The following IGFBP5 variants were observed in gnomAD, a reference collection of about 807,000 sequenced individuals.
IGFBP5 encodes insulin like growth factor binding protein 5.
In IGFBP5, 12 loss-of-function variants were observed where a neutral mutation model predicts 28.0. The ratio of observed to expected loss-of-function variants is 0.43; its 90% confidence interval spans 0.27 to 0.69. The LOEUF (loss-of-function observed/expected upper bound fraction) is 0.69, where lower values mean the gene tolerates loss of function less well. Among genes scored for constraint, IGFBP5 ranks in the 30% least tolerant of loss-of-function variants. IGFBP5 has a pLI of 0.20. For missense variants in IGFBP5, 344 were observed against 381.6 expected (o/e 0.90, Z 0.82); for synonymous variants, 152 against 150.2 (o/e 1.01, Z -0.09).
In IGFBP5 at chr2:216,679,488, A is replaced by T. The variant is rs1032920681; in HGVS notation, c.338-409T>A. ...GGCCAAGTAGATGGGACATGGCTGG[A>T]GGTGGGGCTGAGAAGTAGGAACCCG... On this transcript the variant is annotated intron_variant, in intron 1 of 3. Transcript: ENST00000233813. This position sits in a 1 kb window ranked among gnomAD's most constrained non-coding sequence, Gnocchi z 4.6. Among the ~76,000 whole-genome samples, 1 of 152,036 alleles carries T rather than the reference A, an allele frequency of 6.6e-6. No individual in the cohort carries two copies. Among genetic ancestry groups the T allele is most frequent in the African/African-American group, 2.4e-5 (1 of 41,388 alleles).
At position 216,694,210 on chromosome 2, in the gene IGFBP5, G is replaced by A. The variant is rs1039010613; in HGVS notation, c.337+229C>T. 6.6e-6 allele frequency among the ~76,000 whole-genome samples: 1 copy of A among 152,000 alleles called. No individual in the cohort carries two copies. The highest frequency in any genetic ancestry group is 1.5e-5 in the Non-Finnish European group (1 of 67,998). On this transcript the variant is annotated intron_variant, in intron 1 of 3. Transcript: ENST00000233813. The surrounding 1 kb of genome is among the most constrained non-coding windows in gnomAD (Gnocchi z 5.2). ...AGGGGGAGGGGGCGGGCAACGTGTG[G>A]GTAGGAGGAAGGAGAAAGAGCGAAA... is the stretch of plus-strand genomic sequence containing the variant.
In IGFBP5 at chr2:216,692,088, G is replaced by T. The variant is rs1689105130; in HGVS notation, c.337+2351C>A. Among the ~76,000 whole-genome samples the T allele has an allele frequency of 6.6e-6, 1 of 152,090 alleles. No individual in the cohort carries two copies. The highest frequency in any genetic ancestry group is 2.1e-4 in the South Asian group (1 of 4,822). ...CCAACTTTTTGGGGACCCGCCCAGT[G>T]GTTGTCCGGCTAAAACGCCCTTTCC... On this transcript the variant is annotated intron_variant, in intron 1 of 3. Coordinates refer to ENST00000233813, the MANE Select transcript of IGFBP5 (RefSeq NM_000599.4). This position sits in a 1 kb window ranked among gnomAD's most constrained non-coding sequence, Gnocchi z 4.2.
intron 2 of IGFBP5, 129 bp from the exon 3 acceptor site, chr2:216,678,360 T>G: frequency 1.0e-6 from 1 of 954,916 alleles, no homozygotes; most frequent in Non-Finnish European, 1.5e-6. Flanking sequence ...GTTCTAATCA[T>G]CTGCTACCAA....
rs1016016727 is a variant in IGFBP5, at chr2:216,692,227, G to A, written c.337+2212C>T. On this transcript the variant is annotated intron_variant, in intron 1 of 3. Transcript: ENST00000233813. The surrounding 1 kb of genome is among the most constrained non-coding windows in gnomAD (Gnocchi z 4.2). ...CCGGGCACCTGCCTTCGGCGGGGTGGAGTCGGAGAGGAGTGCTGGGGAGGG... is the reference window on the plus strand; with the variant it reads ...CCGGGCACCTGCCTTCGGCGGGGTGAAGTCGGAGAGGAGTGCTGGGGAGGG... 4.6e-5 allele frequency among the ~76,000 whole-genome samples: 7 copies of A among 152,204 alleles called. No individual in the cohort carries two copies. The highest frequency in any genetic ancestry group is 1.0e-4 in the Non-Finnish European group (7 of 68,032).
At chr2:216,691,722 T>C (rs980783399) in intron 1 of IGFBP5, among the ~76,000 whole-genome samples, 1 of 151,976 alleles carries the variant, frequency 6.6e-6, no homozygotes, top group African/African-American at 2.4e-5. Flanking sequence ...CTGCTCCCCA[T>C]TTCTGATTCC....
Position 216,676,671 on chromosome 2 carries a change from G to A in IGFBP5, c.*80C>T, listed in dbSNP as rs538596132. 2.7e-4 allele frequency: 238 copies of A among 872,204 alleles called. No individual in the cohort carries two copies. Among genetic ancestry groups the A allele is most frequent in the Non-Finnish European group, 4.0e-4 (222 of 551,336 alleles). The allele number at this position is 872,204 out of a possible 1,614,324, so 54.0% of individuals were successfully genotyped here. A position where few individuals can be genotyped will look rare whatever the true frequency, so the allele number is the denominator to read the frequency against. ...CCTTAAATGAGATGAAATGAGTGGC[G>A]TCCTGGGGTGGAGGGAGGCGCTGGC... On this transcript the variant is annotated 3_prime_UTR_variant, in exon 4 of 4. Coordinates refer to ENST00000233813, the MANE Select transcript of IGFBP5 (RefSeq NM_000599.4).
At chr2:216,689,018 C>T (rs530875144) in intron 1 of IGFBP5, among the ~76,000 whole-genome samples, 21 of 152,312 alleles carry the variant, frequency 1.4e-4, no homozygotes, top group African/African-American at 4.8e-4. Flanking sequence ...GGCCCTCATG[C>T]TCTCTTCCTT....
rs911310190 is a variant in IGFBP5 at position 216,676,065 on chromosome 2, T to C, written c.*686A>G. The C allele has an allele frequency of 2.6e-5, 4 of 152,674 alleles. No homozygotes were observed. Among genetic ancestry groups the C allele is most frequent in the African/African-American group, 9.6e-5 (4 of 41,456 alleles). The allele number at this position is 152,674 out of a possible 1,614,324, so 9.5% of individuals were successfully genotyped here. A position where few individuals can be genotyped will look rare whatever the true frequency, so the allele number is the denominator to read the frequency against. ...TTAATATCACTCAATTATGAATTTGTTTTGCTTTCAGAGGAATGGAATGCA... is the reference window on the plus strand; with the variant it reads ...TTAATATCACTCAATTATGAATTTGCTTTGCTTTCAGAGGAATGGAATGCA... On this transcript the variant is annotated 3_prime_UTR_variant, in exon 4 of 4. Transcript: ENST00000233813.
chr2:216,681,374 T>C (rs766728655), intron 1 of IGFBP5, among the ~76,000 whole-genome samples: 8 of 151,986 alleles, frequency 5.3e-5, no homozygotes, highest in Non-Finnish European at 1.2e-4. Flanking sequence ...TCAATCAAGA[T>C]TGTAACTGGA....
At chr2:216,678,277 C>T in intron 2 of IGFBP5, 46 bp from the exon 3 acceptor site, 1 of 1,470,194 alleles carries the variant, frequency 6.8e-7, no homozygotes, top group Non-Finnish European at 9.1e-7. Flanking sequence ...CAAGGGAAAA[C>T]CACCCAGCTG....
intron 1 of IGFBP5, among the ~76,000 whole-genome samples, chr2:216,681,595 G>A (rs942857932): frequency 6.6e-6 from 1 of 152,084 alleles, no homozygotes; most frequent in Non-Finnish European, 1.5e-5. Context: ...ATCCCCCTGT[G>A]TCCAAGCAGA....
intron 1 of IGFBP5, among the ~76,000 whole-genome samples, chr2:216,686,740 C>T (rs1302648178): frequency 2.1e-5 from 3 of 143,230 alleles, no homozygotes; most frequent in Non-Finnish European, 4.5e-5. Flanking sequence ...GATCTTGGCT[C>T]ACTGCAACCC....
intron 1 of IGFBP5, among the ~76,000 whole-genome samples, chr2:216,683,448 T>A (rs761169786): frequency 2.0e-5 from 3 of 152,120 alleles, no homozygotes; most frequent in Non-Finnish European, 1.5e-5. Context: ...ATAAATCCCT[T>A]CCTTCTGTTT....
At chr2:216,690,306 C>T (rs915693347) in intron 1 of IGFBP5, among the ~76,000 whole-genome samples, 1 of 152,178 alleles carries the variant, frequency 6.6e-6, no homozygotes, top group African/African-American at 2.4e-5. Flanking sequence ...CCACCCTCTT[C>T]CCTTCTGCTC....
intron 3 of IGFBP5, 93 bp downstream of exon 3, chr2:216,678,019 G>A: frequency 8.0e-7 from 1 of 1,250,878 alleles, no homozygotes; most frequent in African/African-American, 1.5e-5. Flanking sequence ...GTGGTTAACG[G>A]TGGAAACCTT....
Position 216,674,233 on chromosome 2 carries a change from AAC to A in IGFBP5, c.*2516_*2517del, listed in dbSNP as rs1688868800. On this transcript the variant is annotated 3_prime_UTR_variant, in exon 4 of 4. Coordinates refer to ENST00000233813, the MANE Select transcript of IGFBP5 (RefSeq NM_000599.4). The surrounding 1 kb of genome is among the most constrained non-coding windows in gnomAD (Gnocchi z 4.4). ...ATGCAAAGGGAGAATGGGTGGAAAG[AAC>A]AGTGACGTGGAAGAGGTTTGGGATA... 1 of 153,228 alleles carries A rather than the reference AAC, an allele frequency of 6.5e-6. No homozygotes were observed. Among genetic ancestry groups the A allele is most frequent in the Non-Finnish European group, 1.5e-5 (1 of 68,126 alleles). 9.5% of individuals were successfully genotyped at this position (153,228 alleles called of 1,614,324 possible). A position where few individuals can be genotyped will look rare whatever the true frequency, so the allele number is the denominator to read the frequency against.
rs745587260 is a variant in IGFBP5, at chr2:216,676,421, G to A, written c.*330C>T. On this transcript the variant is annotated 3_prime_UTR_variant, in exon 4 of 4. Transcript: ENST00000233813. ...TGTCTTCCTTTTCCTAACTCTATTC[G>A]TCTTTCTCTCTCTTCTACACAAACA... The A allele has an allele frequency of 2.0e-4, 36 of 177,286 alleles. No homozygotes were observed. Among genetic ancestry groups the A allele is most frequent in the Non-Finnish European group, 3.5e-4 (30 of 84,654 alleles). 11.0% of individuals were successfully genotyped at this position (177,286 alleles called of 1,614,324 possible).
Position 216,693,443 on chromosome 2 carries a change from C to T in IGFBP5, c.337+996G>A, listed in dbSNP as rs917111909. On this transcript the variant is annotated intron_variant, in intron 1 of 3. Coordinates refer to ENST00000233813, the MANE Select transcript of IGFBP5 (RefSeq NM_000599.4). ...ATCTGGTTTAAGAGATTGGGGAGGG[C>T]GGGGTGGGGGGATTGCGGAGGGAGG... Among the ~76,000 whole-genome samples the T allele has an allele frequency of 1.1e-3, 2 of 1,848 alleles. 1 individual carries two copies. The highest frequency in any genetic ancestry group is 0.043 in the South Asian group (2 of 46). The allele number at this position is 1,848 out of a possible 152,430, so 1.2% of individuals were successfully genotyped here.
Position 216,674,038 on chromosome 2 carries a change from G to A in IGFBP5, c.*2713C>T, listed in dbSNP as rs1688867112. ...CAGCAAAGAGCCAACGCAAGGGGCA[G>A]AAGCCTGCTCAAAGTCCAGACACAG... On this transcript the variant is annotated 3_prime_UTR_variant, in exon 4 of 4. Coordinates refer to ENST00000233813, the MANE Select transcript of IGFBP5 (RefSeq NM_000599.4). This position sits in a 1 kb window ranked among gnomAD's most constrained non-coding sequence, Gnocchi z 4.4. 1 of 152,716 alleles carries A rather than the reference G, an allele frequency of 6.5e-6. No individual in the cohort carries two copies. Among genetic ancestry groups the A allele is most frequent in the African/African-American group, 2.4e-5 (1 of 41,466 alleles). The allele number at this position is 152,716 out of a possible 1,614,324, so 9.5% of individuals were successfully genotyped here.
Sources: allele counts gnomAD v4.1 joint callset (sites outside exome capture counted in the v4.1 genomes callset), GRCh38; gene constraint gnomAD v4.1.1; non-coding constraint Gnocchi (gnomAD v3.1); transcripts MANE v1.5; gene names NCBI Gene and HGNC (gene_info 2026-07-23, HGNC 2026-07-21).